ADGRV1: variants seen among roughly 807,000 people sequenced by gnomAD.
ADGRV1 encodes the protein G-protein coupled receptor 98.
Under a neutral mutation model 596.2 loss-of-function variants are expected in ADGRV1, and 359 were observed. That is an observed-to-expected ratio of 0.60 (90% CI 0.55 to 0.66). ADGRV1 has a LOEUF of 0.66. Among genes scored for constraint, ADGRV1 ranks in the 30% least tolerant of loss-of-function variants. The pLI, the probability that ADGRV1 is intolerant of heterozygous loss-of-function variation, is 0.00. For synonymous variants in ADGRV1, 2,681 were observed against 2,679.2 expected (o/e 1.00, Z -0.02); for missense variants, 7,274 against 7,575.6 (o/e 0.96, Z 1.48).
At chr5:90,972,568 A>C (rs1231539002) in intron 84 of ADGRV1, among the ~76,000 whole-genome samples, 1 of 152,204 alleles carries the variant, frequency 6.6e-6, no homozygotes, top group African/African-American at 2.4e-5. Context: ...GCGCTCAACT[A>C]CATGGAAACT....
intron 83 of ADGRV1, among the ~76,000 whole-genome samples, chr5:90,906,737 C>T (rs1428559229): frequency 5.3e-5 from 8 of 151,990 alleles, no homozygotes; most frequent in Admixed American, 4.6e-4. Context: ...GTATTTATTG[C>T]TGCTCTCTTC....
At chr5:90,993,011 G>A (rs1781095719) in intron 85 of ADGRV1, among the ~76,000 whole-genome samples, 1 of 151,980 alleles carries the variant, frequency 6.6e-6, no homozygotes, top group African/African-American at 2.4e-5. Flanking sequence ...CCTTTAAACT[G>A]CAAACCTTGT....
chr5:90,842,156 GT>G (rs1765486835), intron 78 of ADGRV1, among the ~76,000 whole-genome samples: 1 of 152,108 alleles, frequency 6.6e-6, no homozygotes, highest in African/African-American at 2.4e-5. Flanking sequence ...GCTACTTTTT[GT>G]TCTCAATAAG....
At chr5:90,699,465 G>A (rs899221985) in intron 34 of ADGRV1, among the ~76,000 whole-genome samples, 19 of 152,126 alleles carry the variant, frequency 1.2e-4, no homozygotes, top group African/African-American at 4.6e-4. Context: ...GGTATGGAAG[G>A]TACAAACAAG....
chr5:90,999,678 A>G (rs1328763413), intron 85 of ADGRV1, among the ~76,000 whole-genome samples: 1 of 152,134 alleles, frequency 6.6e-6, no homozygotes, highest in African/African-American at 2.4e-5. Flanking sequence ...CAGAAGCTCT[A>G]TAATGCAAAG....
At chr5:90,693,452 A>G (rs1016252314) in intron 32 of ADGRV1, among the ~76,000 whole-genome samples, 1 of 149,248 alleles carries the variant, frequency 6.7e-6, no homozygotes, top group African/African-American at 2.5e-5. Flanking sequence ...TATTTTTTAA[A>G]TTTTTTTTTT....
intron 87 of ADGRV1, among the ~76,000 whole-genome samples, chr5:91,149,763 G>A (rs1472247652): frequency 7.2e-6 from 1 of 138,502 alleles, no homozygotes; most frequent in Non-Finnish European, 1.5e-5. Context: ...AGTCTGAGAG[G>A]CAGAAGTGCA....
At chr5:91,017,634 C>T (rs1783281561) in intron 85 of ADGRV1, among the ~76,000 whole-genome samples, 1 of 151,836 alleles carries the variant, frequency 6.6e-6, no homozygotes. Context: ...AGACATGTCA[C>T]CAGTGATGTG....
chr5:90,974,984 G>C (rs1272238696), intron 84 of ADGRV1, among the ~76,000 whole-genome samples: 1 of 151,316 alleles, frequency 6.6e-6, no homozygotes, highest in Non-Finnish European at 1.5e-5. Flanking sequence ...AATCTACAAA[G>C]CACTCAAACA....
rs144214165 is a variant in ADGRV1, at chr5:90,591,404, T to A, written c.23-23431T>A. 8.7e-3 allele frequency among the ~76,000 whole-genome samples: 1,324 copies of A among 151,796 alleles called. 17 individuals carry two copies. The highest frequency in any genetic ancestry group is 0.024 in the African/African-American group (1,011 of 41,432). ...CAGCAAGACTCTGTCTCAAAAAAAA[T>A]ATATATATATATTCATATTTTTCTG... On this transcript the variant is annotated intron_variant, in intron 1 of 89. Transcript: ENST00000405460.
At chr5:90,654,053 C>A in intron 20 of ADGRV1, 101 bp downstream of exon 20, 3 of 1,185,840 alleles carry the variant, frequency 2.5e-6, no homozygotes, top group Non-Finnish European at 1.2e-6. Flanking sequence ...TATTTGAAAA[C>A]TCTACTTATG....
At chr5:90,976,311 T>A (rs1460436737) in intron 84 of ADGRV1, among the ~76,000 whole-genome samples, 2 of 123,864 alleles carry the variant, frequency 1.6e-5, no homozygotes, top group African/African-American at 6.5e-5. Flanking sequence ...TGTGTGTGTG[T>A]GTGTGTGTGT....
chr5:90,709,392 C>G (rs1005777605), intron 39 of ADGRV1, among the ~76,000 whole-genome samples: 3 of 152,108 alleles, frequency 2.0e-5, no homozygotes, highest in Non-Finnish European at 4.4e-5. Flanking sequence ...AAAGGTAAAA[C>G]CTGAGCCTTG....
chr5:91,145,948 A>G (rs1795500230), intron 87 of ADGRV1, among the ~76,000 whole-genome samples: 1 of 152,092 alleles, frequency 6.6e-6, no homozygotes, highest in African/African-American at 2.4e-5. Context: ...GGTCCTGGGT[A>G]TTTTCTAATA....
At chr5:91,137,812 A>G (rs1019714698) in intron 87 of ADGRV1, among the ~76,000 whole-genome samples, 3 of 152,228 alleles carry the variant, frequency 2.0e-5, no homozygotes, top group African/African-American at 7.2e-5. Context: ...CACTGCCTGC[A>G]TGGAGCCTAC....
chr5:90,843,669 A>G (rs1765623428), intron 78 of ADGRV1, among the ~76,000 whole-genome samples: 2 of 152,222 alleles, frequency 1.3e-5, no homozygotes, highest in Admixed American at 1.3e-4. Context: ...ACTTGACCAC[A>G]TACAGTTTAA....
intron 35 of ADGRV1, 88 bp downstream of exon 35, chr5:90,703,883 AGTTAT>A: frequency 1.1e-6 from 1 of 921,442 alleles, no homozygotes; most frequent in South Asian, 1.7e-5. Flanking sequence ...GCACTATTGT[AGTTAT>A]TATCTTTCTC....
chr5:90,934,392 C>T (rs769265301), intron 83 of ADGRV1, among the ~76,000 whole-genome samples: 5 of 152,136 alleles, frequency 3.3e-5, no homozygotes, highest in Admixed American at 6.5e-5. Flanking sequence ...TTGGTTATTT[C>T]GGAACATTAT....
intron 85 of ADGRV1, among the ~76,000 whole-genome samples, chr5:90,995,315 G>A (rs1781323542): frequency 6.6e-6 from 1 of 152,138 alleles, no homozygotes; most frequent in South Asian, 2.1e-4. Context: ...CTTGCAAGTT[G>A]GGATTTTCTT....
Sources: gnomAD v4.1 joint callset for allele counts (sites outside exome capture counted in the v4.1 genomes callset) on GRCh38, gnomAD v4.1.1 for gene constraint, MANE v1.5 for transcripts, NCBI Gene and HGNC (gene_info 2026-07-23, HGNC 2026-07-21) for gene names.